The following NDC1 variants were observed in gnomAD, a reference collection of about 807,000 sequenced individuals.
The protein encoded by NDC1 is nucleoporin NDC1.
A neutral mutation model predicts 89.8 loss-of-function variants in NDC1; 24 were observed. That is an observed-to-expected ratio of 0.27 (90% CI 0.19 to 0.38). NDC1 has a LOEUF of 0.38. Ranked by LOEUF, NDC1 falls within the 10% of genes least tolerant of loss-of-function variation. NDC1 has a pLI of 1.00. For synonymous variants in NDC1, 296 were observed against 284.8 expected, an observed-to-expected ratio of 1.04 and a Z score of -0.39; for missense variants, 728 against 797.6, an observed-to-expected ratio of 0.91 and a Z score of 1.05.
chr1:53,787,429 G>A lies in NDC1; in HGVS notation c.1700-171C>T, dbSNP rs141224816. On this transcript the variant is annotated intron_variant, in intron 15 of 17. Coordinates refer to ENST00000371429, the MANE Select transcript of NDC1 (RefSeq NM_018087.5). The stretch of plus-strand genomic sequence containing the variant: ...TCTGGGAGGCTGAGGCAGGCAGATC[G>A]CTTGAGCCCAGGAGTTCAAGACGAG... Among the ~76,000 whole-genome samples, 1,069 of 151,976 alleles carry A rather than the reference G, an allele frequency of 7.0e-3. 5 individuals carry two copies. Among genetic ancestry groups the A allele is most frequent in the Non-Finnish European group, 0.012 (783 of 67,944 alleles).
chr1:53,796,385 C>T (rs778791851), intron 13 of NDC1, among the ~76,000 whole-genome samples: 4 of 152,228 alleles, frequency 2.6e-5, no homozygotes, highest in Non-Finnish European at 2.9e-5. Flanking sequence ...TCCCCTCACT[C>T]GAATGTAAAT....
intron 14 of NDC1, among the ~76,000 whole-genome samples, chr1:53,791,058 CAGTCTCTGT>C (rs1188453129): frequency 1.3e-5 from 2 of 152,172 alleles, no homozygotes; most frequent in African/African-American, 4.8e-5. Context: ...CCATCCTTCC[CAGTCTCTGT>C]TATCTTTCCA....
chr1:53,836,661 A>C (rs1427755905), intron 1 of NDC1, among the ~76,000 whole-genome samples: 3 of 151,550 alleles, frequency 2.0e-5, no homozygotes, highest in Non-Finnish European at 4.4e-5. Flanking sequence ...ACACCTGACT[A>C]ATTTTTTTTT....
chr1:53,803,619 T>G (rs970834387), intron 10 of NDC1, among the ~76,000 whole-genome samples: 13 of 152,348 alleles, frequency 8.5e-5, no homozygotes, highest in African/African-American at 3.1e-4. Context: ...TCACCCAGGC[T>G]GGAGTGCAGT....
At chr1:53,779,906 A>G (rs1325821293) in intron 16 of NDC1, among the ~76,000 whole-genome samples, 1 of 152,090 alleles carries the variant, frequency 6.6e-6, no homozygotes, top group Non-Finnish European at 1.5e-5. Context: ...TCAAATCCAT[A>G]GCTCTGGCCC....
rs74440060 is a variant in NDC1 at position 53,804,879 on chromosome 1, T to C, written c.985-870A>G. ...CATCCCTCTCTGAAGTTTTCTTGCATTGGTCCCAAGCTGAATAAGAGGTCC... is the reference window on the plus strand; with the variant it reads ...CATCCCTCTCTGAAGTTTTCTTGCACTGGTCCCAAGCTGAATAAGAGGTCC... On this transcript the variant is annotated intron_variant, in intron 9 of 17. Transcript: ENST00000371429. 6.6e-3 allele frequency among the ~76,000 whole-genome samples: 1,002 copies of C among 152,220 alleles called. 16 individuals are homozygous for C. The highest frequency in any genetic ancestry group is 0.023 in the African/African-American group (947 of 41,548).
At chr1:53,835,149 C>A (rs767261415) in intron 2 of NDC1, among the ~76,000 whole-genome samples, 14 of 152,128 alleles carry the variant, frequency 9.2e-5, no homozygotes, top group Non-Finnish European at 2.1e-4. Context: ...ATATTTTCTA[C>A]CCACAATTTC....
intron 2 of NDC1, among the ~76,000 whole-genome samples, chr1:53,833,697 C>T (rs572785404): frequency 1.1e-4 from 17 of 151,778 alleles, no homozygotes; most frequent in South Asian, 6.2e-4. Flanking sequence ...GTTCAACAAT[C>T]GATATTCCAT....
chr1:53,807,974 T>A (rs1428078931), intron 7 of NDC1, among the ~76,000 whole-genome samples, 183 bp from the exon 8 acceptor site: 1 of 152,202 alleles, frequency 6.6e-6, no homozygotes, highest in African/African-American at 2.4e-5. Flanking sequence ...ATGAGGGAGC[T>A]TTAAGGGAAG....
At chr1:53,809,033 T>C (rs1648208292) in intron 7 of NDC1, among the ~76,000 whole-genome samples, 1 of 152,200 alleles carries the variant, frequency 6.6e-6, no homozygotes, top group Admixed American at 6.5e-5. Context: ...GCATAGAAGA[T>C]TACTACAACA....
intron 10 of NDC1, 141 bp from the exon 11 acceptor site, chr1:53,800,989 C>A (rs1267107697): frequency 1.4e-5 from 9 of 647,548 alleles, no homozygotes; most frequent in Non-Finnish European, 2.6e-6. Context: ...TATTTATACT[C>A]ATGACATCTA....
chr1:53,816,055 A>C (rs990970833), intron 6 of NDC1, among the ~76,000 whole-genome samples: 4 of 152,172 alleles, frequency 2.6e-5, no homozygotes, highest in Non-Finnish European at 5.9e-5. Context: ...CACAATCCCC[A>C]TCAGAATACC....
chr1:53,827,946 C>T, intron 4 of NDC1, 53 bp downstream of exon 4: 1 of 1,438,332 alleles, frequency 7.0e-7, no homozygotes, highest in Non-Finnish European at 9.4e-7. Flanking sequence ...TATAGGTCAC[C>T]TTTGGCTTAG....
At chr1:53,769,920 G>A (rs1408702327) in intron 17 of NDC1, among the ~76,000 whole-genome samples, 1 of 152,174 alleles carries the variant, frequency 6.6e-6, no homozygotes, top group East Asian at 1.9e-4. Context: ...TCTGAATCCT[G>A]GTTCTGCAAC....
chr1:53,833,781 A>C (rs1478492543), intron 2 of NDC1, among the ~76,000 whole-genome samples: 1 of 152,124 alleles, frequency 6.6e-6, no homozygotes, highest in African/African-American at 2.4e-5. Flanking sequence ...GTTTGCTAAG[A>C]CTTAAAAATT....
At chr1:53,774,753 G>C (rs1206888146) in intron 16 of NDC1, among the ~76,000 whole-genome samples, 1 of 151,988 alleles carries the variant, frequency 6.6e-6, no homozygotes, top group Non-Finnish European at 1.5e-5. Context: ...GCTGGATGTG[G>C]TCCAATACCT....
In NDC1 at chr1:53,772,377, A is replaced by C. The variant is rs1320094986; in HGVS notation, c.1913T>G (p.Leu638Arg). The C allele has an allele frequency of 6.2e-7, 1 of 1,613,912 alleles. No homozygotes were observed. The highest frequency in any genetic ancestry group is 8.5e-7 in the Non-Finnish European group (1 of 1,179,904). Residue 638 changes from leucine to arginine, a missense_variant, in exon 17 of 18, where the codon CTG (leucine) becomes CGG (arginine). Leu to Arg is a moderately radical substitution (Grantham distance 102). Coordinates refer to ENST00000371429, the MANE Select transcript of NDC1 (RefSeq NM_018087.5). ...KTLRFAFRAS[L>R]KTAIYRITTT... ...AGTTATTCGATAGATGGCAGTTTTC[A>C]GTGATGCTCTGAATGCAAATCTTAA...
At chr1:53,814,106 C>A (rs1355270484) in intron 6 of NDC1, among the ~76,000 whole-genome samples, 1 of 152,172 alleles carries the variant, frequency 6.6e-6, no homozygotes, top group African/African-American at 2.4e-5. Flanking sequence ...GTAATCCCAG[C>A]ACTTTGGGAG....
At chr1:53,834,819 C>T (rs1273937568) in intron 2 of NDC1, among the ~76,000 whole-genome samples, 3 of 152,090 alleles carry the variant, frequency 2.0e-5, no homozygotes, top group Non-Finnish European at 4.4e-5. Flanking sequence ...ATTTAAGGAA[C>T]ATTTTAGGCC....
Sources: gnomAD v4.1 joint callset for allele counts (sites outside exome capture counted in the v4.1 genomes callset) on GRCh38, gnomAD v4.1.1 for gene constraint, MANE v1.5 for transcripts, NCBI Gene and HGNC (gene_info 2026-07-23, HGNC 2026-07-21) for gene names.